The following PRKAR1B variants were observed in gnomAD, a reference collection of about 807,000 sequenced individuals.
PRKAR1B encodes the protein protein kinase cAMP-dependent type I regulatory subunit beta.
PRKAR1B carries 22 observed loss-of-function variants against 46.5 expected under a neutral mutation model. The ratio of observed to expected loss-of-function variants is 0.47; its 90% CI spans 0.34 to 0.68. The LOEUF is 0.68. PRKAR1B is among the 30% of genes least tolerant of loss of function. The pLI is 0.01. For synonymous variants in PRKAR1B, 259 were observed against 217.7 expected (o/e 1.19, Z -1.67); for missense variants, 445 against 535.6 (o/e 0.83, Z 1.67).
intron 4 of PRKAR1B, among the ~76,000 whole-genome samples, chr7:658,955 G>A (rs1483598541): frequency 6.6e-6 from 1 of 152,092 alleles, no homozygotes; most frequent in Non-Finnish European, 1.5e-5. Context: ...CTGGCCTAAT[G>A]TTTTTAAAAA....
intron 4 of PRKAR1B, among the ~76,000 whole-genome samples, chr7:671,667 G>C (rs1317961130): frequency 6.6e-6 from 1 of 152,048 alleles, no homozygotes; most frequent in African/African-American, 2.4e-5. Flanking sequence ...CCCAGGTTAA[G>C]ACACATATTT....
intron 2 of PRKAR1B, among the ~76,000 whole-genome samples, chr7:694,156 G>T (rs1348432438): frequency 6.6e-6 from 1 of 152,138 alleles, no homozygotes; most frequent in African/African-American, 2.4e-5. Context: ...TTGGTGGTGT[G>T]CGCCTGTAGT....
At chr7:565,591 G>T (rs1779080380) in intron 9 of PRKAR1B, 2 of 152,228 alleles carry the variant, frequency 1.3e-5, no homozygotes, top group South Asian at 4.1e-4. Flanking sequence ...AGCAAAAGGT[G>T]AAATAAACAT....
intron 2 of PRKAR1B, among the ~76,000 whole-genome samples, chr7:690,798 C>A (rs968349008): frequency 6.6e-6 from 1 of 151,508 alleles, no homozygotes; most frequent in South Asian, 2.1e-4. Flanking sequence ...TAAAAAAAAA[C>A]AAAAAAACAC....
intron 9 of PRKAR1B, among the ~76,000 whole-genome samples, chr7:577,113 A>G (rs1321994319): frequency 3.3e-5 from 5 of 151,990 alleles, no homozygotes; most frequent in African/African-American, 1.2e-4. Flanking sequence ...GCCTCGTCCA[A>G]CGCCATCAGC....
chr7:568,328 C>G (rs932719073), intron 9 of PRKAR1B, among the ~76,000 whole-genome samples: 4 of 152,236 alleles, frequency 2.6e-5, no homozygotes, highest in Non-Finnish European at 2.9e-5. Context: ...TCACCAAGTT[C>G]CTCCGGCAGC....
intron 2 of PRKAR1B, among the ~76,000 whole-genome samples, chr7:685,102 A>G (rs1241150019): frequency 6.6e-6 from 1 of 151,264 alleles, no homozygotes; most frequent in Non-Finnish European, 1.5e-5. Context: ...ATTAATTAAT[A>G]TAATTCATGT....
chr7:676,558 G>A (rs1022110591), intron 4 of PRKAR1B, among the ~76,000 whole-genome samples: 8 of 152,198 alleles, frequency 5.3e-5, no homozygotes, highest in African/African-American at 1.7e-4. Flanking sequence ...CGGGGGAACC[G>A]CAGATCCAGA....
At chr7:717,833 C>T (rs1026279277) in intron 1 of PRKAR1B, among the ~76,000 whole-genome samples, 1 of 152,160 alleles carries the variant, frequency 6.6e-6, no homozygotes, top group African/African-American at 2.4e-5. Flanking sequence ...GTCCCCACCT[C>T]CCAGTGCTCA....
chr7:705,296 C>T (rs1203496271), intron 2 of PRKAR1B, among the ~76,000 whole-genome samples: 2 of 143,888 alleles, frequency 1.4e-5, no homozygotes, highest in South Asian at 2.2e-4. Flanking sequence ...GAGCAAGACT[C>T]TGTCTCAATT....
chr7:595,297 G>C (rs1781209055), intron 7 of PRKAR1B, among the ~76,000 whole-genome samples: 1 of 152,148 alleles, frequency 6.6e-6, no homozygotes, highest in Admixed American at 6.5e-5. Context: ...TTATCAGGGG[G>C]GTCTCTGAGG....
At position 714,194 on chromosome 7, in the gene PRKAR1B, A is replaced by G. The variant is rs1780791976; in HGVS notation, c.-22-2667T>C. ...GGCGACGTCTCGCTTCGGGGGGCAG[A>G]TGCTCCAGGCCTGGCTGCTTCTCTC... On this transcript the variant is annotated intron_variant, in intron 1 of 10. Coordinates refer to ENST00000537384, the MANE Select transcript of PRKAR1B (RefSeq NM_001164760.2). The surrounding 1 kb of genome is among the most constrained non-coding windows in gnomAD (Gnocchi z 4.3). 6.6e-6 allele frequency among the ~76,000 whole-genome samples: 1 copy of G among 152,102 alleles called. No individual in the cohort carries two copies.
intron 4 of PRKAR1B, among the ~76,000 whole-genome samples, chr7:647,516 G>A (rs777123796): frequency 2.6e-4 from 39 of 152,060 alleles, no homozygotes; most frequent in Non-Finnish European, 5.1e-4. Flanking sequence ...CTTAAAACAC[G>A]TACCTCCAGG....
chr7:637,561 C>T (rs1583337724), intron 4 of PRKAR1B, among the ~76,000 whole-genome samples: 3 of 151,998 alleles, frequency 2.0e-5, no homozygotes, highest in South Asian at 2.1e-4. Flanking sequence ...GGGCCGGGTG[C>T]GGTGGCTCAC....
intron 4 of PRKAR1B, among the ~76,000 whole-genome samples, chr7:628,537 T>C (rs1182553750): frequency 3.3e-5 from 5 of 152,076 alleles, no homozygotes; most frequent in Non-Finnish European, 4.4e-5. Context: ...CAGGCCCGTG[T>C]GAGGAAGAGC....
chr7:554,760 G>A lies in PRKAR1B; in HGVS notation c.892-3290C>T, dbSNP rs375867098. Among the ~76,000 whole-genome samples the A allele has an allele frequency of 9.8e-4, 126 of 129,084 alleles. 1 individual carries two copies. In the East Asian group the frequency reaches 0.011, roughly 11 times the overall value. The allele number at this position is 129,084 out of a possible 152,430, so 84.7% of individuals were successfully genotyped here. ...GGGAGGCCACGGATCCCACAGAGCC[G>A]GAAGACAGGGGAGGCCACGGATCCC... On this transcript the variant is annotated intron_variant, in intron 9 of 10. Transcript: ENST00000537384.
chr7:587,484 C>T (rs938380115), intron 7 of PRKAR1B, among the ~76,000 whole-genome samples: 2 of 152,208 alleles, frequency 1.3e-5, no homozygotes, highest in African/African-American at 2.4e-5. Flanking sequence ...GCCCTGGCCC[C>T]GCCTCCAGGG....
At chr7:687,916 T>A (rs943818843) in intron 2 of PRKAR1B, among the ~76,000 whole-genome samples, 1 of 143,078 alleles carries the variant, frequency 7.0e-6, no homozygotes, top group African/African-American at 2.6e-5. Flanking sequence ...GCCAATATGA[T>A]GAAACCTCAT....
chr7:690,359 C>A (rs1213774547), intron 2 of PRKAR1B, among the ~76,000 whole-genome samples: 1 of 151,788 alleles, frequency 6.6e-6, no homozygotes, highest in Non-Finnish European at 1.5e-5. Flanking sequence ...GGGTGCTATG[C>A]TCACTACCCA....
Sources: allele counts gnomAD v4.1 joint callset (sites outside exome capture counted in the v4.1 genomes callset), GRCh38; gene constraint gnomAD v4.1.1; non-coding constraint Gnocchi (gnomAD v3.1); transcripts MANE v1.5; gene names NCBI Gene and HGNC (gene_info 2026-07-23, HGNC 2026-07-21).